The following C12orf42 variants were observed in gnomAD, a reference collection of about 807,000 sequenced individuals.
C12orf42 encodes the protein chromosome 12 open reading frame 42, also known as uncharacterized protein C12orf42.
C12orf42 carries 25 observed loss-of-function variants against 21.6 expected under a neutral mutation model. The observed-to-expected ratio is 1.16, with a 90% CI of 0.84 to 1.62. The LOEUF (loss-of-function observed/expected upper bound fraction) is 1.62. Ranked by LOEUF, C12orf42 falls within the 40% of genes most tolerant of loss-of-function variation. The pLI is 0.00. For missense variants in C12orf42, 483 were observed against 459.3 expected (o/e 1.05, Z -0.47); for synonymous variants, 174 against 175.0 (o/e 0.99, Z 0.05).
At chr12:103,192,720 G>A in the C12orf42 span, among the ~76,000 whole-genome samples, 11 of 152,152 alleles carry the variant, frequency 7.2e-5, no homozygotes, top group Non-Finnish European at 1.3e-4. Context: ...TTTTTATCCA[G>A]CATCAGAGCA....
At chr12:103,204,246 G>T in the C12orf42 span, among the ~76,000 whole-genome samples, 1 of 152,098 alleles carries the variant, frequency 6.6e-6, no homozygotes, top group African/African-American at 2.4e-5. Flanking sequence ...GTTCTTAAAA[G>T]GTTATGGACA....
At chr12:103,253,989 C>G (rs1393391473) in intron 10 of C12orf42, among the ~76,000 whole-genome samples, 1 of 152,084 alleles carries the variant, frequency 6.6e-6, no homozygotes, top group African/African-American at 2.4e-5. Context: ...AATTAGATAC[C>G]ATTTGTCAAT....
intron 10 of C12orf42, among the ~76,000 whole-genome samples, chr12:103,261,052 T>C (rs2034874944): frequency 6.6e-6 from 1 of 152,152 alleles, no homozygotes; most frequent in Non-Finnish European, 1.5e-5. Context: ...TTGTTCAAAA[T>C]TTTTCTTGAC....
At chr12:103,304,923 G>A (rs1249012191) in intron 5 of C12orf42, among the ~76,000 whole-genome samples, 4 of 152,254 alleles carry the variant, frequency 2.6e-5, no homozygotes, top group Admixed American at 2.6e-4. Flanking sequence ...TCTATCTCTT[G>A]TCTTCTGGTC....
intron 10 of C12orf42, among the ~76,000 whole-genome samples, chr12:103,256,038 G>GC (rs1379558260): frequency 2.8e-5 from 3 of 107,598 alleles, no homozygotes; most frequent in African/African-American, 1.1e-4. Flanking sequence ...GGGCGAAAGA[G>GC]CGAGACTCTG....
chr12:103,062,655 C>A, the C12orf42 span, among the ~76,000 whole-genome samples: 1 of 152,076 alleles, frequency 6.6e-6, no homozygotes, highest in Non-Finnish European at 1.5e-5. Flanking sequence ...TGTTCATTTG[C>A]TGCTTTTAAA....
the C12orf42 span, among the ~76,000 whole-genome samples, chr12:103,191,570 A>AAAAAAAAAAAAC: frequency 1.1e-4 from 14 of 129,120 alleles, no homozygotes; most frequent in African/African-American, 3.8e-4. Context: ...AAAAAAAAAA[A>AAAAAAAAAAAAC]AAAATACAAA....
At chr12:103,278,303 A>C (rs1009900841) in intron 4 of C12orf42, among the ~76,000 whole-genome samples, 1 of 152,220 alleles carries the variant, frequency 6.6e-6, no homozygotes, top group African/African-American at 2.4e-5. Context: ...TGCTTTTAGA[A>C]ATCATTTTTT....
At chr12:103,195,135 T>C in the C12orf42 span, among the ~76,000 whole-genome samples, 1 of 152,216 alleles carries the variant, frequency 6.6e-6, no homozygotes, top group African/African-American at 2.4e-5. Flanking sequence ...GTTTTGCTTT[T>C]TTATGGCTGT....
the C12orf42 span, among the ~76,000 whole-genome samples, chr12:103,221,925 A>C: frequency 6.6e-6 from 1 of 152,210 alleles, no homozygotes; most frequent in Non-Finnish European, 1.5e-5. Flanking sequence ...TGTGTCAACA[A>C]ACATAGTGTC....
At chr12:103,076,535 T>C in the C12orf42 span, among the ~76,000 whole-genome samples, 1 of 152,092 alleles carries the variant, frequency 6.6e-6, no homozygotes, top group Non-Finnish European at 1.5e-5. Flanking sequence ...AGGGCCAATT[T>C]TACAAAGTCG....
chr12:103,338,936 G>A (rs1376314101), intron 4 of C12orf42, among the ~76,000 whole-genome samples: 1 of 152,094 alleles, frequency 6.6e-6, no homozygotes, highest in Non-Finnish European at 1.5e-5. Context: ...CAAGGCACAA[G>A]CATATCTTGA....
chr12:103,525,620 AATATT>A, the C12orf42 span, among the ~76,000 whole-genome samples: 2 of 152,160 alleles, frequency 1.3e-5, no homozygotes, highest in African/African-American at 4.8e-5. Flanking sequence ...CCATTAGCAA[AATATT>A]ATAAGTATCA....
chr12:103,224,491 G>T, the C12orf42 span, among the ~76,000 whole-genome samples: 1 of 152,080 alleles, frequency 6.6e-6, no homozygotes, highest in African/African-American at 2.4e-5. Flanking sequence ...GGGGAAATGG[G>T]GTGAATGTCA....
chr12:103,407,545 TTCTC>T, intron 2 of C12orf42, among the ~76,000 whole-genome samples: 1 of 152,256 alleles, frequency 6.6e-6, no homozygotes, highest in East Asian at 1.9e-4. Context: ...ATAACATCTT[TTCTC>T]TATCTTACTT....
At chr12:103,353,884 G>A (rs1336721697) in intron 4 of C12orf42, among the ~76,000 whole-genome samples, 2 of 152,152 alleles carry the variant, frequency 1.3e-5, no homozygotes, top group African/African-American at 2.4e-5. Context: ...TTTCTCACAA[G>A]CTTTAGTGTG....
At chr12:103,205,229 C>T in the C12orf42 span, among the ~76,000 whole-genome samples, 1 of 152,112 alleles carries the variant, frequency 6.6e-6, no homozygotes, top group Non-Finnish European at 1.5e-5. Flanking sequence ...TATGTATAGC[C>T]CGAGTACTAG....
intron 10 of C12orf42, chr12:103,238,018 G>C (rs943802146): frequency 2.6e-5 from 4 of 152,208 alleles, no homozygotes; most frequent in African/African-American, 9.7e-5. Context: ...TACTGCAGGA[G>C]GCATGTGGTG....
At chr12:103,134,932 T>C in the C12orf42 span, among the ~76,000 whole-genome samples, 2 of 152,138 alleles carry the variant, frequency 1.3e-5, no homozygotes, top group African/African-American at 2.4e-5. Context: ...AGAAACCTTA[T>C]AGGTCATGAG....
Sources: allele counts gnomAD v4.1 joint callset (sites outside exome capture counted in the v4.1 genomes callset), GRCh38; gene constraint gnomAD v4.1.1; transcripts MANE v1.5; gene names NCBI Gene and HGNC (gene_info 2026-07-23, HGNC 2026-07-21).